The following SPTAN1 variants were observed in gnomAD, a reference collection of about 807,000 sequenced individuals.
SPTAN1 encodes spectrin alpha, non-erythrocytic 1.
Under a neutral mutation model 331.3 loss-of-function variants are expected in SPTAN1, and 61 were observed. The ratio of observed to expected loss-of-function variants is 0.18; its 90% CI spans 0.15 to 0.23. SPTAN1 has a LOEUF of 0.23. Ranked by LOEUF, SPTAN1 falls within the 10% of genes least tolerant of loss-of-function variation. SPTAN1 has a pLI of 1.00. For synonymous variants in SPTAN1, 1,153 were observed against 1,173.9 expected (o/e 0.98, Z 0.36); for missense variants, 2,043 against 3,147.9 (o/e 0.65, Z 8.40).
At chr9:128,599,844 T>C (rs1178895168) in intron 26 of SPTAN1, 6 of 580,114 alleles carry the variant, frequency 1.0e-5, no homozygotes, top group Non-Finnish European at 1.8e-5. Context: ...TCTCTCCATT[T>C]CTTCTACTGG....
chr9:128,585,911 G>A lies in SPTAN1; in HGVS notation c.2724G>A (p.Glu908=), dbSNP rs749336810. The A allele has an allele frequency of 1.2e-6, 2 of 1,613,570 alleles. No homozygotes were observed. Among genetic ancestry groups the A allele is most frequent in the Non-Finnish European group, 1.7e-6 (2 of 1,180,044 alleles). The change falls in exon 19 of 57, where the codon GAG becomes GAA. Residue 908 remains glutamate, a synonymous_variant. Transcript: ENST00000372739. The part of the protein sequence containing the change: ...DANEAESWMR[E]KEPIVGSTDY... ...ACGAGGCTGAATCCTGGATGCGGGA[G>A]AAGGAACCCATTGTGGGCAGCACTG...
chr9:128,587,074 G>A (rs1852745715), intron 19 of SPTAN1, among the ~76,000 whole-genome samples: 1 of 152,148 alleles, frequency 6.6e-6, no homozygotes, highest in African/African-American at 2.4e-5. Context: ...GCCTGCCTCA[G>A]CCTCGCAAAG....
chr9:128,633,141 A>ACCTG, intron 56 of SPTAN1, 68 bp from the exon 57 acceptor site: 1 of 1,611,054 alleles, frequency 6.2e-7, no homozygotes, highest in Non-Finnish European at 8.5e-7. Context: ...GCATCCTGAG[A>ACCTG]CCTGGGAGGT....
Position 128,590,687 on chromosome 9 carries a change from TAAAATACAAA to T in SPTAN1, c.3007-784_3007-775del, listed in dbSNP as rs374053890. On this transcript the variant is annotated intron_variant, in intron 21 of 56. Transcript: ENST00000372739. ...CAACATGGTGAAACCCCGTCTCTAC[TAAAATACAAA>T]AAAATTAGCTGTGCGTGGTGGCGTG... 6.1e-3 allele frequency among the ~76,000 whole-genome samples: 925 copies of T among 151,468 alleles called. 8 individuals are homozygous for T. The highest frequency in any genetic ancestry group is 0.021 in the African/African-American group (858 of 41,308).
rs367718622 is a variant in SPTAN1, at chr9:128,578,106, C to G, written c.1086-4C>G. On this transcript the variant is annotated splice_polypyrimidine_tract_variant and splice_region_variant and intron_variant, in intron 8 of 56. Coordinates refer to ENST00000372739, the MANE Select transcript of SPTAN1 (RefSeq NM_001130438.3). ...ACATAATGTCTTCCTTTGGTTTTCCCTAGGCTTCAACGCTTCCTTGCTGAC... is the reference window on the plus strand; with the variant it reads ...ACATAATGTCTTCCTTTGGTTTTCCGTAGGCTTCAACGCTTCCTTGCTGAC... 32 of 1,613,952 alleles carry G rather than the reference C, an allele frequency of 2.0e-5. No homozygotes were observed. The African/African-American group carries it at 3.6e-4, about 18-fold the overall frequency.
intron 21 of SPTAN1, 82 bp from the exon 22 acceptor site, chr9:128,591,395 T>C: frequency 1.3e-6 from 2 of 1,569,712 alleles, no homozygotes; most frequent in Non-Finnish European, 1.8e-6. Flanking sequence ...AACGCTCTCG[T>C]GTGTGTGTAT....
intron 26 of SPTAN1, 155 bp downstream of exon 26, chr9:128,599,141 T>A: frequency 2.5e-6 from 2 of 809,872 alleles, no homozygotes; most frequent in Non-Finnish European, 4.3e-6. Flanking sequence ...AAAAATTGAT[T>A]TCTTTTTTTT....
At chr9:128,574,462 G>T (rs1350502046) in intron 3 of SPTAN1, among the ~76,000 whole-genome samples, 1 of 151,880 alleles carries the variant, frequency 6.6e-6, no homozygotes, top group Non-Finnish European at 1.5e-5. Flanking sequence ...CTACCTACTT[G>T]TAACTTGAAG....
At chr9:128,632,098 C>G (rs2132086497) in intron 52 of SPTAN1, 29 bp from the exon 53 acceptor site, 1 of 1,610,084 alleles carries the variant, frequency 6.2e-7, no homozygotes, top group Middle Eastern at 1.7e-4. Flanking sequence ...GGGCCCCCGT[C>G]TGAGCATCTG....
At chr9:128,608,484 AGGG>A (rs1356748008) in intron 34 of SPTAN1, among the ~76,000 whole-genome samples, 216 of 152,330 alleles carry the variant, frequency 1.4e-3, no homozygotes, top group Middle Eastern at 3.4e-3. Context: ...ATATTATCAA[AGGG>A]ATGGAAAACA....
At chr9:128,598,031 C>T (rs557656395) in intron 24 of SPTAN1, among the ~76,000 whole-genome samples, 1 of 152,056 alleles carries the variant, frequency 6.6e-6, no homozygotes, top group African/African-American at 2.4e-5. Context: ...TCACCGCAAC[C>T]TCTGCCTACC....
intron 24 of SPTAN1, 128 bp from the exon 25 acceptor site, chr9:128,598,272 C>A: frequency 1.4e-6 from 1 of 733,478 alleles, no homozygotes; most frequent in South Asian, 1.6e-5. Context: ...TTTAATCCCC[C>A]CCTTTTTTTT....
At chr9:128,586,629 GTACATACCAGTGCGCACATA>G (rs1221605789) in intron 19 of SPTAN1, among the ~76,000 whole-genome samples, 3 of 151,748 alleles carry the variant, frequency 2.0e-5, no homozygotes, top group Non-Finnish European at 4.4e-5. Flanking sequence ...GCATACACAT[GTACATACCAGTGCGCACATA>G]TACCCACATA....
chr9:128,553,006 T>G (rs1848300852), intron 1 of SPTAN1: 1 of 152,252 alleles, frequency 6.6e-6, no homozygotes, highest in Non-Finnish European at 1.5e-5. Context: ...GGCGCGGCCC[T>G]GCCCTGCCCC....
chr9:128,594,831 T>C (rs1318382023), intron 24 of SPTAN1, among the ~76,000 whole-genome samples: 1 of 150,100 alleles, frequency 6.7e-6, no homozygotes, highest in Admixed American at 6.6e-5. Flanking sequence ...TTTCAATTTT[T>C]TTTTTTTTCC....
At chr9:128,628,561 G>A (rs114244970) in intron 51 of SPTAN1, 3,068 of 215,064 alleles carry the variant, frequency 0.014, 98 homozygotes, top group African/African-American at 0.066. Flanking sequence ...GGGCTGTCCC[G>A]CCCAGTCCCG....
rs1015052595 is a variant in SPTAN1, at chr9:128,583,834, T to C, written c.2058T>C (p.Asn686=). The change falls in exon 16 of 57, where the codon AAT becomes AAC. Residue 686 remains asparagine, a synonymous_variant. Coordinates refer to ENST00000372739, the MANE Select transcript of SPTAN1 (RefSeq NM_001130438.3). The part of the protein sequence containing the change: ...EANQQQQFNR[N]VEDIELWLYE... ...ACCAGCAACAGCAATTTAATCGCAA[T>C]GTTGAGGATATTGAATTGTGGCTAT... is the stretch of plus-strand genomic sequence containing the variant. 6.8e-6 allele frequency: 11 copies of C among 1,614,042 alleles called. No individual in the cohort carries two copies. Among genetic ancestry groups the C allele is most frequent in the Middle Eastern group, 1.6e-4 (1 of 6,084 alleles).
At chr9:128,615,236 A>G (rs964115551) in intron 40 of SPTAN1, among the ~76,000 whole-genome samples, 6 of 152,162 alleles carry the variant, frequency 3.9e-5, no homozygotes, top group African/African-American at 1.4e-4. Flanking sequence ...TTGTTCTTTC[A>G]AGTACAAAAG....
intron 21 of SPTAN1, among the ~76,000 whole-genome samples, chr9:128,591,156 G>A (rs1853447362): frequency 6.6e-6 from 1 of 151,936 alleles, no homozygotes. Context: ...CTGCCTCCTG[G>A]GTTCATGCCA....
Sources: allele counts gnomAD v4.1 joint callset (sites outside exome capture counted in the v4.1 genomes callset), GRCh38; gene constraint gnomAD v4.1.1; transcripts MANE v1.5; gene names NCBI Gene and HGNC (gene_info 2026-07-23, HGNC 2026-07-21).